The following DIP2C variants were observed in gnomAD, a reference collection of about 807,000 sequenced individuals.
DIP2C encodes disco-interacting protein 2 homolog C.
DIP2C carries 33 observed loss-of-function variants against 192.4 expected under a neutral mutation model. The observed-to-expected ratio is 0.17, with a 90% CI of 0.13 to 0.23. The LOEUF (loss-of-function observed/expected upper bound fraction) is 0.23. Ranked by LOEUF, DIP2C falls within the 10% of genes least tolerant of loss-of-function variation. DIP2C has a pLI of 1.00. For missense variants in DIP2C, 1,537 were observed against 2,110.1 expected (o/e 0.73, Z 5.32); for synonymous variants, 979 against 864.1 (o/e 1.13, Z -2.33).
At chr10:491,834 A>G (rs970486403) in intron 1 of DIP2C, among the ~76,000 whole-genome samples, 4 of 152,250 alleles carry the variant, frequency 2.6e-5, no homozygotes, top group African/African-American at 4.8e-5. Context: ...GGACTCATGA[A>G]CACAGACCTG....
chr10:582,745 A>G (rs1358854249), intron 1 of DIP2C, among the ~76,000 whole-genome samples: 1 of 152,182 alleles, frequency 6.6e-6, no homozygotes, highest in East Asian at 1.9e-4. Context: ...CTTGGGAAGC[A>G]CCAGCGTGGC....
chr10:406,935 A>T (rs1964846531), intron 9 of DIP2C, among the ~76,000 whole-genome samples: 3 of 152,004 alleles, frequency 2.0e-5, no homozygotes, highest in Non-Finnish European at 2.9e-5. Flanking sequence ...CCAGGAACAG[A>T]AGACAGCAGG....
chr10:535,905 T>C (rs1050870923), intron 1 of DIP2C, among the ~76,000 whole-genome samples: 2 of 152,272 alleles, frequency 1.3e-5, no homozygotes, highest in South Asian at 2.1e-4. Context: ...CTTATATGTA[T>C]GCAAATGCCA....
At chr10:601,096 T>TA (rs1852044315) in intron 1 of DIP2C, among the ~76,000 whole-genome samples, 1 of 152,202 alleles carries the variant, frequency 6.6e-6, no homozygotes, top group East Asian at 1.9e-4. Context: ...CTACACTCTT[T>TA]ACTCCCTTGT....
At chr10:318,528 T>C (rs570766844) in intron 31 of DIP2C, among the ~76,000 whole-genome samples, 136 of 152,306 alleles carry the variant, frequency 8.9e-4, no homozygotes, top group African/African-American at 3.1e-3. Flanking sequence ...GCGGTTCCCA[T>C]AGGCAGGTTC....
At chr10:621,404 A>G (rs555114472) in intron 1 of DIP2C, among the ~76,000 whole-genome samples, 10 of 144,310 alleles carry the variant, frequency 6.9e-5, no homozygotes, top group African/African-American at 2.4e-4. Flanking sequence ...TGCACACACT[A>G]TGTGCTCACG....
intron 1 of DIP2C, among the ~76,000 whole-genome samples, chr10:580,982 T>A (rs1850610109): frequency 6.6e-6 from 1 of 152,198 alleles, no homozygotes; most frequent in African/African-American, 2.4e-5. Flanking sequence ...TCTTATTTAA[T>A]CGAGTTCTGA....
intron 3 of DIP2C, among the ~76,000 whole-genome samples, chr10:452,254 A>T (rs752943659): frequency 6.6e-6 from 1 of 152,168 alleles, no homozygotes; most frequent in Non-Finnish European, 1.5e-5. Flanking sequence ...AACATCCATA[A>T]ACAGCACCCT....
chr10:386,302 TCA>T (rs749206047), intron 14 of DIP2C, among the ~76,000 whole-genome samples: 26 of 152,354 alleles, frequency 1.7e-4, no homozygotes, highest in East Asian at 5.8e-4. Flanking sequence ...GTCGTTCCAT[TCA>T]CAGACAGAAA....
At chr10:379,689 AAATGCATCTGCAAT>A (rs1229193620) in intron 17 of DIP2C, among the ~76,000 whole-genome samples, 1 of 152,266 alleles carries the variant, frequency 6.6e-6, no homozygotes, top group Non-Finnish European at 1.5e-5. Flanking sequence ...AATAGTAAGC[AAATGCATCTGCAAT>A]TTTATTTGCA....
At chr10:577,496 C>T (rs762768055) in intron 1 of DIP2C, among the ~76,000 whole-genome samples, 4 of 152,314 alleles carry the variant, frequency 2.6e-5, no homozygotes, top group South Asian at 4.1e-4. Flanking sequence ...CTTCGCGAGT[C>T]GCAGAGCCTC....
chr10:341,462 ACGGGGCTG>A lies in DIP2C; in HGVS notation c.3454-141_3454-134del, dbSNP rs1461317655. Reference sequence around the variant, plus strand: ...GACACCCTCAGACACCCGGGACAATACGGGGCTGCACTGAACGCAAGGCTGTTTTGAAC... The same window carrying A: ...GACACCCTCAGACACCCGGGACAATACACTGAACGCAAGGCTGTTTTGAAC... On this transcript the variant is annotated intron_variant, in intron 28 of 36. Transcript: ENST00000280886. The A allele has an allele frequency of 6.2e-6, 8 of 1,299,832 alleles. No individual in the cohort carries two copies. The East Asian group carries it at 1.9e-4, about 31-fold the overall frequency. The allele number at this position is 1,299,832 out of a possible 1,614,324, so 80.5% of individuals were successfully genotyped here.
intron 1 of DIP2C, among the ~76,000 whole-genome samples, chr10:596,111 A>C (rs946644425): frequency 3.3e-5 from 5 of 152,200 alleles, no homozygotes; most frequent in African/African-American, 1.2e-4. Flanking sequence ...ACCTTTTTTA[A>C]AGATTCACGC....
chr10:443,030 A>G (rs1364110289), intron 3 of DIP2C, among the ~76,000 whole-genome samples: 3 of 152,204 alleles, frequency 2.0e-5, no homozygotes, highest in African/African-American at 7.2e-5. Flanking sequence ...ACTAGACTCA[A>G]GAGTATGCAT....
chr10:554,714 C>T (rs1347443072), intron 1 of DIP2C, among the ~76,000 whole-genome samples: 3 of 152,220 alleles, frequency 2.0e-5, no homozygotes, highest in Non-Finnish European at 2.9e-5. Context: ...ACAGATTCTG[C>T]ACCCCATGTG....
At chr10:509,126 C>G (rs577967744) in intron 1 of DIP2C, among the ~76,000 whole-genome samples, 3 of 152,336 alleles carry the variant, frequency 2.0e-5, no homozygotes, top group African/African-American at 7.2e-5. Flanking sequence ...CAAGGACACT[C>G]ACGATGCTTG....
chr10:574,693 C>T (rs1193046054), intron 1 of DIP2C, among the ~76,000 whole-genome samples: 1 of 152,194 alleles, frequency 6.6e-6, no homozygotes, highest in African/African-American at 2.4e-5. Context: ...TTGCCATAAC[C>T]ACAGAGGTGT....
chr10:376,543 C>A (rs1961616586), intron 17 of DIP2C, among the ~76,000 whole-genome samples: 2 of 145,498 alleles, frequency 1.4e-5, no homozygotes, highest in Admixed American at 7.2e-5. Context: ...GCAGCCAGAA[C>A]CCCGAGGAAG....
intron 1 of DIP2C, among the ~76,000 whole-genome samples, chr10:553,228 C>G (rs1347073605): frequency 7.2e-5 from 11 of 152,226 alleles, no homozygotes; most frequent in Admixed American, 6.5e-4. Flanking sequence ...ACCTGGCTTG[C>G]TGTGCAAGCC....
Sources: allele counts gnomAD v4.1 joint callset (sites outside exome capture counted in the v4.1 genomes callset), GRCh38; gene constraint gnomAD v4.1.1; transcripts MANE v1.5; gene names NCBI Gene and HGNC (gene_info 2026-07-23, HGNC 2026-07-21).